KIAA2012: variants seen among roughly 807,000 people sequenced by gnomAD.
KIAA2012 encodes the protein KIAA2012, also known as uncharacterized protein KIAA2012.
KIAA2012 carries 125 observed loss-of-function variants against 150.6 expected under a neutral mutation model. The ratio of observed to expected loss-of-function variants is 0.83; its 90% confidence interval spans 0.72 to 0.96. The LOEUF (loss-of-function observed/expected upper bound fraction) is 0.96, where lower values mean the gene tolerates loss of function less well. KIAA2012 is among the 40% of genes least tolerant of loss of function. KIAA2012 has a pLI of 0.00. For missense variants in KIAA2012, 1,219 were observed against 1,354.9 expected, an observed-to-expected ratio of 0.90 and a Z score of 1.57; for synonymous variants, 462 against 504.7, an observed-to-expected ratio of 0.92 and a Z score of 1.13.
intron 12 of KIAA2012, chr2:202,136,116 T>C (rs1468290967): frequency 3.0e-6 from 1 of 330,298 alleles, no homozygotes; most frequent in Non-Finnish European, 6.1e-6. Flanking sequence ...GTTACAGTTC[T>C]TAAAGGTGGT....
At chr2:202,134,699 C>T (rs1481916113) in intron 12 of KIAA2012, among the ~76,000 whole-genome samples, 5 of 152,162 alleles carry the variant, frequency 3.3e-5, no homozygotes, top group Non-Finnish European at 5.9e-5. Flanking sequence ...GGATTACAGG[C>T]GCCCGCTACC....
At chr2:202,141,368 AG>A (rs1002538956) in intron 13 of KIAA2012, among the ~76,000 whole-genome samples, 3 of 151,478 alleles carry the variant, frequency 2.0e-5, no homozygotes, top group African/African-American at 7.3e-5. Context: ...GAGTTGGAAG[AG>A]GGGGTGAGGT....
intron 2 of KIAA2012, among the ~76,000 whole-genome samples, chr2:202,083,533 A>C (rs367741758): frequency 6.6e-6 from 1 of 152,262 alleles, no homozygotes; most frequent in Admixed American, 6.5e-5. Flanking sequence ...ACTGAGGGCT[A>C]GGAGATGCCA....
At chr2:202,146,158 G>A (rs1001719581) in intron 13 of KIAA2012, among the ~76,000 whole-genome samples, 2 of 152,060 alleles carry the variant, frequency 1.3e-5, no homozygotes, top group East Asian at 3.9e-4. Flanking sequence ...CACATGAACC[G>A]CACTTTAAAG....
intron 8 of KIAA2012, 41 bp from the exon 9 acceptor site, chr2:202,105,720 A>G (rs1432067278): frequency 4.5e-6 from 7 of 1,539,948 alleles, no homozygotes; most frequent in South Asian, 1.2e-5. Flanking sequence ...GGCAAAAACA[A>G]CAGACCTCTG....
At chr2:202,124,043 T>C (rs1466636020) in intron 11 of KIAA2012, among the ~76,000 whole-genome samples, 2 of 151,922 alleles carry the variant, frequency 1.3e-5, no homozygotes, top group African/African-American at 4.8e-5. Context: ...ACAAAAAAAA[T>C]TAGCCGGGTG....
chr2:202,077,056 C>T (rs1197193391), intron 2 of KIAA2012: 1 of 457,194 alleles, frequency 2.2e-6, no homozygotes, highest in Admixed American at 2.3e-5. Flanking sequence ...CTCTGTGATA[C>T]AGCTCTCAAC....
At chr2:202,198,448 T>C (rs1168488298) in intron 22 of KIAA2012, among the ~76,000 whole-genome samples, 1 of 152,170 alleles carries the variant, frequency 6.6e-6, no homozygotes, top group African/African-American at 2.4e-5. Context: ...CAGATGAAGT[T>C]AGGGATGTGG....
chr2:202,165,614 G>C (rs186308840), intron 15 of KIAA2012, among the ~76,000 whole-genome samples: 6 of 152,088 alleles, frequency 3.9e-5, no homozygotes, highest in Non-Finnish European at 5.9e-5. Flanking sequence ...CCAGCTACTC[G>C]GGAGGCTGAG....
At chr2:202,179,778 A>G (rs371461564) in intron 15 of KIAA2012, 2 of 629,456 alleles carry the variant, frequency 3.2e-6, no homozygotes, top group African/African-American at 1.8e-5. Flanking sequence ...AAGCCACAGC[A>G]GTGGGAAAGA....
In KIAA2012 at chr2:202,196,837, G is replaced by GT. The variant is rs1351894568; in HGVS notation, c.3227dup (p.Leu1076PhefsTer13). 1 of 1,550,554 alleles carries GT rather than the reference G, an allele frequency of 6.4e-7. No homozygotes were observed. ...AAAGGCAAGAGGAATTGGAAATGCA[G>GT]TTAGAAGAAGAACAAAAACACCTGA... is the stretch of plus-strand genomic sequence containing the variant. On this transcript the variant is annotated frameshift_variant, in exon 22 of 24. Transcript: ENST00000498697. LOFTEE classifies it high-confidence loss of function.
intron 14 of KIAA2012, among the ~76,000 whole-genome samples, chr2:202,161,473 C>T (rs934889129): frequency 6.6e-5 from 10 of 152,028 alleles, no homozygotes; most frequent in African/African-American, 1.4e-4. Flanking sequence ...TCTTAAACTC[C>T]GAACTGTAAC....
intron 10 of KIAA2012, among the ~76,000 whole-genome samples, chr2:202,110,386 C>G (rs1436092813): frequency 6.6e-6 from 1 of 152,218 alleles, no homozygotes; most frequent in Non-Finnish European, 1.5e-5. Context: ...TCCCCCGGGG[C>G]TTCCATCTAA....
At chr2:202,135,851 G>A (rs1052980291) in intron 12 of KIAA2012, 2 of 173,692 alleles carry the variant, frequency 1.2e-5, no homozygotes, top group African/African-American at 4.8e-5. Flanking sequence ...GAGGCAGTGT[G>A]ATGTGGAGGG....
rs530962060 is a variant in KIAA2012 at position 202,097,494 on chromosome 2, C to G, written c.745C>G (p.Leu249Val). Residue 249 changes from leucine (L) to valine (V), a missense_variant, in exon 5 of 24, where the codon CTA becomes GTA. Transcript: ENST00000498697. ...GAAGHVDQGP[L>V]AKNHGSQGTR... ...TGCTGGACACGTGGACCAGGGCCCTCTAGCCAAGAACCATGGCAGTCAGGG... is the reference window on the plus strand; with the variant it reads ...TGCTGGACACGTGGACCAGGGCCCTGTAGCCAAGAACCATGGCAGTCAGGG... The G allele has an allele frequency of 3.2e-6, 5 of 1,550,430 alleles. No homozygotes were observed. Among genetic ancestry groups the G allele is most frequent in the Non-Finnish European group, 3.5e-6 (4 of 1,146,958 alleles).
intron 4 of KIAA2012, among the ~76,000 whole-genome samples, chr2:202,096,634 T>C (rs1241069347): frequency 1.3e-5 from 2 of 152,154 alleles, no homozygotes; most frequent in Non-Finnish European, 2.9e-5. Context: ...AGTCTTGTGA[T>C]CCATCACACA....
In KIAA2012 at chr2:202,074,149, C is replaced by CAA. The variant is rs954518439; in HGVS notation, c.84+446_84+447dup. Among the ~76,000 whole-genome samples the CAA allele has an allele frequency of 3.4e-5, 5 of 147,672 alleles. No individual in the cohort carries two copies. The South Asian group carries it at 6.5e-4, about 19-fold the overall frequency. On this transcript the variant is annotated intron_variant, in intron 1 of 23. Transcript: ENST00000498697. ...CACAGGACTCATATTTAATATAGGCCAAAAAAAAACCCACCTCATTTTAGA... is the reference window on the plus strand; with the variant it reads ...CACAGGACTCATATTTAATATAGGCCAAAAAAAAAAACCCACCTCATTTTAGA...
In KIAA2012 at chr2:202,109,681, A is replaced by G; in HGVS notation, c.1543A>G (p.Ser515Gly). ...DLLPPIKGKKSPESQKGVDSP... is the reference protein window; with the variant it reads ...DLLPPIKGKKGPESQKGVDSP... The stretch of plus-strand genomic sequence containing the variant: ...TCTACCCCCGATTAAAGGAAAAAAA[A>G]GTCCTGAGAGCCAGAAGGGCGTGGA... The change falls in exon 10 of 24, where the codon AGT becomes GGT. Residue 515 changes from serine to glycine, a missense_variant. Ser to Gly is a moderately conservative substitution (Grantham distance 56). Coordinates refer to ENST00000498697, the MANE Select transcript of KIAA2012 (RefSeq NM_001277372.4). The G allele has an allele frequency of 6.4e-7, 1 of 1,550,696 alleles. No homozygotes were observed. Among genetic ancestry groups the G allele is most frequent in the Non-Finnish European group, 8.7e-7 (1 of 1,147,002 alleles).
chr2:202,132,737 G>GTATATATGTA (rs1319864386), intron 12 of KIAA2012, among the ~76,000 whole-genome samples: 144 of 52,512 alleles, frequency 2.7e-3, no homozygotes, highest in Admixed American at 0.018. Flanking sequence ...TAGTATATAT[G>GTATATATGTA]TATATATATA....
Sources: allele counts gnomAD v4.1 joint callset (sites outside exome capture counted in the v4.1 genomes callset), GRCh38; gene constraint gnomAD v4.1.1; transcripts MANE v1.5; gene names NCBI Gene and HGNC (gene_info 2026-07-23, HGNC 2026-07-21).